Variants in PIBF1 observed in about 807,000 individuals in gnomAD.
PIBF1 encodes progesterone-induced-blocking factor 1.
In PIBF1, 90 loss-of-function variants were observed where a neutral mutation model predicts 112.5. The ratio of observed to expected loss-of-function variants is 0.80; its 90% CI spans 0.67 to 0.95. The LOEUF (loss-of-function observed/expected upper bound fraction) is 0.95, where lower values mean the gene tolerates loss of function less well. PIBF1 is among the 40% of genes least tolerant of loss of function. PIBF1 has a pLI of 0.00. For synonymous variants in PIBF1, 301 were observed against 288.6 expected (o/e 1.04, Z -0.44); for missense variants, 915 against 852.3 (o/e 1.07, Z -0.92).
chr13:72,970,682 A>G (rs2042864960), intron 15 of PIBF1: 1 of 152,160 alleles, frequency 6.6e-6, no homozygotes. Flanking sequence ...TTTATGAGTC[A>G]CTCATAGAAG....
intron 9 of PIBF1, among the ~76,000 whole-genome samples, chr13:72,853,307 C>T (rs1193234969): frequency 6.6e-6 from 1 of 152,136 alleles, no homozygotes; most frequent in Non-Finnish European, 1.5e-5. Context: ...TTTTCCAGTA[C>T]CCTAACTTCA....
chr13:72,936,134 T>C (rs2041867288), intron 14 of PIBF1, among the ~76,000 whole-genome samples: 2 of 152,156 alleles, frequency 1.3e-5, no homozygotes, highest in South Asian at 4.2e-4. Context: ...CTCAAGAGCC[T>C]CAAACTATTG....
chr13:72,928,922 A>T (rs2041620597), intron 13 of PIBF1, among the ~76,000 whole-genome samples: 1 of 152,206 alleles, frequency 6.6e-6, no homozygotes, highest in African/African-American at 2.4e-5. Context: ...TGTTGGTAAT[A>T]TGTGACCTCT....
intron 11 of PIBF1, among the ~76,000 whole-genome samples, chr13:72,895,993 G>A (rs1398119674): frequency 6.6e-6 from 1 of 152,120 alleles, no homozygotes; most frequent in African/African-American, 2.4e-5. Context: ...TGAGGCCTGT[G>A]ACTGTTGGCT....
chr13:72,999,052 T>G (rs2043774318), intron 17 of PIBF1, 57 bp downstream of exon 17: 2 of 1,138,816 alleles, frequency 1.8e-6, no homozygotes, highest in Non-Finnish European at 2.5e-6. Flanking sequence ...ACTAAATGTA[T>G]TTTAGTTAAT....
intron 14 of PIBF1, among the ~76,000 whole-genome samples, chr13:72,963,161 AG>A (rs2042650993): frequency 6.6e-6 from 1 of 152,236 alleles, no homozygotes; most frequent in African/African-American, 2.4e-5. Flanking sequence ...CCTAAATTTA[AG>A]CATTAAAGGT....
intron 17 of PIBF1, among the ~76,000 whole-genome samples, chr13:73,008,634 G>A (rs1364916343): frequency 2.0e-5 from 3 of 151,952 alleles, no homozygotes; most frequent in East Asian, 1.9e-4. Flanking sequence ...ACTATAAACC[G>A]ACAAACAAAA....
At chr13:72,956,776 T>C (rs2042457088) in intron 14 of PIBF1, among the ~76,000 whole-genome samples, 1 of 152,130 alleles carries the variant, frequency 6.6e-6, no homozygotes, top group South Asian at 2.1e-4. Context: ...AGACGAAGTC[T>C]AGAATCAAGC....
chr13:72,895,931 G>C (rs755367223), intron 11 of PIBF1, among the ~76,000 whole-genome samples: 35 of 152,080 alleles, frequency 2.3e-4, no homozygotes, highest in African/African-American at 3.1e-4. Context: ...CTGTTGTGTT[G>C]GGGGGAGCCA....
At chr13:73,014,462 T>C (rs1455476441) in intron 17 of PIBF1, among the ~76,000 whole-genome samples, 1 of 152,200 alleles carries the variant, frequency 6.6e-6, no homozygotes, top group Non-Finnish European at 1.5e-5. Context: ...TGTGATACTA[T>C]ATATTATTAT....
In PIBF1 at chr13:72,799,478, C is replaced by T. The variant is rs981521467; in HGVS notation, c.672+1452C>T. Among the ~76,000 whole-genome samples the T allele has an allele frequency of 2.0e-5, 3 of 152,280 alleles. No individual in the cohort carries two copies. In the East Asian group the frequency reaches 5.8e-4, roughly 29 times the overall value. On this transcript the variant is annotated intron_variant, in intron 5 of 17. Transcript: ENST00000326291. ...GCAATTAGAGGGGCAGATGTGCCCC[C>T]ACTCCAAACTTCAGTTGTTTTCTTT...
chr13:72,893,841 T>C lies in PIBF1; in HGVS notation c.1380T>C (p.Ser460=). The part of the protein sequence containing the change: ...ESKVTEFLHQ[S]KLKSFESERV... ...AAGTAACAGAATTTCTCCATCAAAG[T>C]AAATTAAAATCTTTTGAAAGTGAGC... is the stretch of plus-strand genomic sequence containing the variant. The change falls in exon 11 of 18, where the codon AGT becomes AGC. Residue 460 remains serine, a synonymous_variant. Coordinates refer to ENST00000326291, the MANE Select transcript of PIBF1 (RefSeq NM_006346.4). 1.2e-6 allele frequency: 2 copies of C among 1,604,950 alleles called. No homozygotes were observed. The highest frequency in any genetic ancestry group is 1.7e-6 in the Non-Finnish European group (2 of 1,175,076).
At chr13:72,806,510 C>T (rs1332535493) in intron 5 of PIBF1, among the ~76,000 whole-genome samples, 4 of 152,050 alleles carry the variant, frequency 2.6e-5, no homozygotes, top group Non-Finnish European at 5.9e-5. Flanking sequence ...TCACCTAATG[C>T]TATCCCTCCC....
chr13:72,985,144 A>G (rs2043244282), intron 16 of PIBF1, among the ~76,000 whole-genome samples: 1 of 152,110 alleles, frequency 6.6e-6, no homozygotes, highest in African/African-American at 2.4e-5. Flanking sequence ...GCTTATAACA[A>G]ACCAAACAAT....
intron 5 of PIBF1, among the ~76,000 whole-genome samples, chr13:72,811,284 T>C (rs1382948730): frequency 6.6e-6 from 1 of 152,194 alleles, no homozygotes; most frequent in East Asian, 1.9e-4. Flanking sequence ...TAACTTTGAA[T>C]TTTTAATTAC....
At position 72,827,005 on chromosome 13, in the gene PIBF1, A is replaced by G; in HGVS notation, c.807-5A>G. 1.3e-6 allele frequency: 2 copies of G among 1,553,704 alleles called. No individual in the cohort carries two copies. The highest frequency in any genetic ancestry group is 1.2e-5 in the South Asian group (1 of 85,812). On this transcript the variant is annotated splice_region_variant and splice_polypyrimidine_tract_variant and intron_variant, in intron 6 of 17. Transcript: ENST00000326291. ...TACATGTCTCTTTGAATTTTATTTT[A>G]ACAGTGAACGTGATGCACTTGAACA... is the stretch of plus-strand genomic sequence containing the variant.
chr13:72,929,705 G>A (rs978474398), intron 13 of PIBF1, among the ~76,000 whole-genome samples: 9 of 152,064 alleles, frequency 5.9e-5, no homozygotes, highest in Admixed American at 5.2e-4. Flanking sequence ...AAAAAATGAG[G>A]ACTGTATGCT....
At chr13:72,971,673 A>G (rs142939029) in intron 15 of PIBF1, among the ~76,000 whole-genome samples, 162 of 152,340 alleles carry the variant, frequency 1.1e-3, no homozygotes, top group Middle Eastern at 3.4e-3. Flanking sequence ...ATAATCATTC[A>G]CATAGTCCTT....
At chr13:72,885,784 G>A (rs745602302) in intron 10 of PIBF1, among the ~76,000 whole-genome samples, 12 of 152,064 alleles carry the variant, frequency 7.9e-5, no homozygotes, top group Non-Finnish European at 1.5e-4. Context: ...GATTCTGATG[G>A]TCCTCCCTGG....
Sources: gnomAD v4.1 joint callset for allele counts (sites outside exome capture counted in the v4.1 genomes callset) on GRCh38, gnomAD v4.1.1 for gene constraint, MANE v1.5 for transcripts, NCBI Gene and HGNC (gene_info 2026-07-23, HGNC 2026-07-21) for gene names.